PADI4: variants seen among roughly 807,000 people sequenced by gnomAD.
PADI4 encodes protein-arginine deiminase type-4.
In PADI4, 62 loss-of-function variants were observed where a neutral mutation model predicts 75.0. The observed-to-expected ratio is 0.83, with a 90% CI of 0.67 to 1.02. PADI4 has a LOEUF of 1.02. Ranked by LOEUF, PADI4 falls within the 50% of genes least tolerant of loss-of-function variation. The pLI is 0.00. For synonymous variants in PADI4, 361 were observed against 348.1 expected (o/e 1.04, Z -0.41); for missense variants, 845 against 850.5 (o/e 0.99, Z 0.08).
At chr1:17,318,657 C>CA (rs1187327778) in intron 1 of PADI4, among the ~76,000 whole-genome samples, 3 of 151,592 alleles carry the variant, frequency 2.0e-5, no homozygotes, top group Admixed American at 6.6e-5. Context: ...TTCATATGCA[C>CA]ACAAGGCGAA....
intron 1 of PADI4, among the ~76,000 whole-genome samples, chr1:17,317,743 G>A (rs561752234): frequency 6.6e-6 from 1 of 152,120 alleles, no homozygotes; most frequent in African/African-American, 2.4e-5. Context: ...GATTGCTGCC[G>A]GGCACTGTGG....
intron 4 of PADI4, among the ~76,000 whole-genome samples, chr1:17,336,615 G>A (rs2074316023): frequency 6.6e-6 from 1 of 152,210 alleles, no homozygotes; most frequent in African/African-American, 2.4e-5. Flanking sequence ...AGGAAGAAAT[G>A]GCAGGGGGAG....
chr1:17,334,515 C>A (rs3094882), intron 3 of PADI4: 15,036 of 448,892 alleles, frequency 0.033, 348 homozygotes, highest in Non-Finnish European at 0.048. Flanking sequence ...GTTGGCCAGG[C>A]TGGTCTCGAA....
chr1:17,325,106 C>T (rs185870326), intron 1 of PADI4, among the ~76,000 whole-genome samples: 4 of 152,310 alleles, frequency 2.6e-5, no homozygotes, highest in African/African-American at 4.8e-5. Context: ...CTGGATTTCT[C>T]GTGTAGATTT....
chr1:17,323,859 C>CAAAAA (rs397979378), intron 1 of PADI4, among the ~76,000 whole-genome samples: 2 of 148,870 alleles, frequency 1.3e-5, no homozygotes, highest in Middle Eastern at 3.4e-3. Flanking sequence ...ACAACAACAA[C>CAAAAA]AAAAAAAACA....
At chr1:17,320,279 G>C (rs1357139477) in intron 1 of PADI4, among the ~76,000 whole-genome samples, 1 of 151,960 alleles carries the variant, frequency 6.6e-6, no homozygotes, top group Non-Finnish European at 1.5e-5. Flanking sequence ...AAAGACCTTT[G>C]TATTACTGGA....
chr1:17,338,736 T>G (rs1399121475), intron 5 of PADI4, among the ~76,000 whole-genome samples: 1 of 152,160 alleles, frequency 6.6e-6, no homozygotes, highest in African/African-American at 2.4e-5. Flanking sequence ...GAATGCAGGA[T>G]CTCTGCAGGC....
At chr1:17,318,646 G>A (rs1236497656) in intron 1 of PADI4, among the ~76,000 whole-genome samples, 1 of 150,868 alleles carries the variant, frequency 6.6e-6, no homozygotes, top group Non-Finnish European at 1.5e-5. Flanking sequence ...ACCTTTTGCC[G>A]TTCATATGCA....
At chr1:17,359,233 C>CCCCA in intron 14 of PADI4, 47 bp from the exon 15 acceptor site, 1 of 829,534 alleles carries the variant, frequency 1.2e-6, no homozygotes, top group South Asian at 1.6e-5. Flanking sequence ...ACCCCCACCC[C>CCCCA]CGACTGCCAT....
At chr1:17,331,342 A>G (rs1237345445) in intron 2 of PADI4, among the ~76,000 whole-genome samples, 193 bp downstream of exon 2, 1 of 152,214 alleles carries the variant, frequency 6.6e-6, no homozygotes, top group Non-Finnish European at 1.5e-5. Flanking sequence ...CATGGAGGTC[A>G]GGGTTTAGAT....
At chr1:17,323,481 A>G (rs189949400) in intron 1 of PADI4, among the ~76,000 whole-genome samples, 42 of 152,332 alleles carry the variant, frequency 2.8e-4, no homozygotes, top group African/African-American at 9.9e-4. Context: ...AATTCTTTAT[A>G]ATGAATACAT....
intron 1 of PADI4, among the ~76,000 whole-genome samples, chr1:17,322,348 G>A (rs1224029227): frequency 6.6e-6 from 1 of 152,142 alleles, no homozygotes; most frequent in African/African-American, 2.4e-5. Flanking sequence ...AATTAGCCGG[G>A]AGTGGTGGCA....
At chr1:17,357,106 C>T (rs2074774013) in intron 13 of PADI4, among the ~76,000 whole-genome samples, 1 of 152,140 alleles carries the variant, frequency 6.6e-6, no homozygotes, top group Non-Finnish European at 1.5e-5. Context: ...GCAAAATGTT[C>T]CAGTGAACAA....
rs2074427382 is a variant in PADI4, at chr1:17,342,009, T to C, written c.719T>C (p.Val240Ala). 6.2e-7 allele frequency: 1 copy of C among 1,613,848 alleles called. No individual in the cohort carries two copies. Among genetic ancestry groups the C allele is most frequent in the African/African-American group, 1.3e-5 (1 of 74,874 alleles). Residue 240 changes from valine to alanine, a missense_variant, in exon 7 of 16, where the codon GTC becomes GCC. By Grantham distance (64) the Val-to-Ala change is moderately conservative (BLOSUM62 0). Coordinates refer to ENST00000375448, the MANE Select transcript of PADI4 (RefSeq NM_012387.3). ...GPKWPSHYLM[V>A]PGGKHNMDFY... The stretch of plus-strand genomic sequence containing the variant: ...AAGTGGCCCTCTCACTACCTGATGG[T>C]CCCCGGTGGAAAGCACAACATGGAC...
chr1:17,332,699 C>G (rs1323821295), intron 2 of PADI4, among the ~76,000 whole-genome samples: 1 of 152,172 alleles, frequency 6.6e-6, no homozygotes, highest in Non-Finnish European at 1.5e-5. Context: ...TCAACAGGAC[C>G]CTCTGGGGTT....
chr1:17,359,682 G>A (rs1262014726), intron 15 of PADI4, among the ~76,000 whole-genome samples: 1 of 152,150 alleles, frequency 6.6e-6, no homozygotes, highest in Admixed American at 6.5e-5. Context: ...CAGAGCCCTG[G>A]GCACACAGGC....
intron 15 of PADI4, among the ~76,000 whole-genome samples, chr1:17,360,738 G>A (rs1345079226): frequency 5.3e-5 from 8 of 150,838 alleles, no homozygotes; most frequent in Admixed American, 1.3e-4. Context: ...CAACAAACAC[G>A]ACACCCTCAA....
intron 10 of PADI4, 61 bp from the exon 11 acceptor site, chr1:17,354,472 C>T (rs1364584246): frequency 9.2e-6 from 14 of 1,514,826 alleles, no homozygotes; most frequent in Non-Finnish European, 3.7e-6. Context: ...ACTTGGACCC[C>T]CCGACCCTTC....
intron 2 of PADI4, among the ~76,000 whole-genome samples, chr1:17,332,799 A>G (rs970311625): frequency 2.0e-5 from 3 of 152,110 alleles, no homozygotes; most frequent in African/African-American, 7.2e-5. Flanking sequence ...TTGACTATCC[A>G]GGCAGGCTGG....
Sources: gnomAD v4.1 joint callset for allele counts (sites outside exome capture counted in the v4.1 genomes callset) on GRCh38, gnomAD v4.1.1 for gene constraint, MANE v1.5 for transcripts, NCBI Gene and HGNC (gene_info 2026-07-23, HGNC 2026-07-21) for gene names.